The following NPAS3 variants were observed in gnomAD, a reference collection of about 807,000 sequenced individuals.
NPAS3 encodes the protein neuronal PAS domain-containing protein 3.
Under a neutral mutation model 73.1 loss-of-function variants are expected in NPAS3, and 14 were observed. The observed-to-expected ratio is 0.19, with a 90% CI of 0.13 to 0.30. The LOEUF (loss-of-function observed/expected upper bound fraction) is 0.30, where lower values mean the gene tolerates loss of function less well. Among genes scored for constraint, NPAS3 ranks in the 10% least tolerant of loss-of-function variants. The pLI, the probability that NPAS3 is intolerant of heterozygous loss-of-function variation, is 1.00. For missense variants in NPAS3, 1,096 were observed against 1,250.0 expected (o/e 0.88, Z 1.86); for synonymous variants, 620 against 541.5 (o/e 1.14, Z -2.01).
At chr14:33,762,974 G>A (rs968560285) in intron 7 of NPAS3, among the ~76,000 whole-genome samples, 2 of 152,200 alleles carry the variant, frequency 1.3e-5, no homozygotes, top group Non-Finnish European at 2.9e-5. Flanking sequence ...AAGGGGATAT[G>A]TTCTCTGAAA....
intron 1 of NPAS3, among the ~76,000 whole-genome samples, chr14:32,995,683 C>T (rs1821588852): frequency 1.3e-5 from 2 of 152,192 alleles, no homozygotes; most frequent in South Asian, 4.1e-4. Flanking sequence ...TACAGGCTTT[C>T]TCTTTTCCTG....
chr14:33,195,495 C>T (rs1012433300), intron 2 of NPAS3, among the ~76,000 whole-genome samples: 2 of 152,148 alleles, frequency 1.3e-5, no homozygotes, highest in African/African-American at 4.8e-5. Flanking sequence ...TCTTGAACTC[C>T]TGACCTTGTG....
At chr14:33,069,830 AACCTGTC>A (rs764311302) in intron 2 of NPAS3, among the ~76,000 whole-genome samples, 130 of 152,354 alleles carry the variant, frequency 8.5e-4, no homozygotes, top group Non-Finnish European at 1.6e-3. Context: ...CCATGTTCAA[AACCTGTC>A]AAGTTACCTG....
chr14:33,668,857 T>A (rs1445454653), intron 5 of NPAS3, among the ~76,000 whole-genome samples: 2 of 152,124 alleles, frequency 1.3e-5, no homozygotes, highest in African/African-American at 2.4e-5. Flanking sequence ...CAGGGAAATA[T>A]TTAAATTTCA....
At chr14:32,959,420 A>G (rs1488120868) in intron 1 of NPAS3, among the ~76,000 whole-genome samples, 2 of 152,262 alleles carry the variant, frequency 1.3e-5, no homozygotes, top group East Asian at 3.8e-4. Flanking sequence ...AAACCTAAGT[A>G]ATGACCTTGA....
chr14:33,435,907 T>A (rs1321517527), intron 4 of NPAS3, among the ~76,000 whole-genome samples: 1 of 152,210 alleles, frequency 6.6e-6, no homozygotes, highest in East Asian at 1.9e-4. Context: ...CTTGATTTTA[T>A]ACAGAGCAGT....
At chr14:33,602,084 G>C (rs1007805697) in intron 5 of NPAS3, among the ~76,000 whole-genome samples, 1 of 152,204 alleles carries the variant, frequency 6.6e-6, no homozygotes, top group East Asian at 1.9e-4. Flanking sequence ...AGAACCGAGA[G>C]TGTGGGGAGA....
At position 33,548,386 on chromosome 14, in the gene NPAS3, A is replaced by ATT. The variant is rs368642954; in HGVS notation, c.469-11734_469-11733dup. 6.2e-3 allele frequency among the ~76,000 whole-genome samples: 941 copies of ATT among 152,316 alleles called. 9 individuals carry two copies. Among genetic ancestry groups the ATT allele is most frequent in the Non-Finnish European group, 8.4e-3 (569 of 68,030 alleles). On this transcript the variant is annotated intron_variant, in intron 4 of 11. Coordinates refer to ENST00000356141, the Ensembl canonical transcript of NPAS3. ...AAGACAAAAGAGTGGGTAAATAATC[A>ATT]TTGTGCACATTAGAATTATACTGAG...
chr14:32,978,745 A>T (rs1406929549), intron 1 of NPAS3, among the ~76,000 whole-genome samples: 1 of 152,226 alleles, frequency 6.6e-6, no homozygotes, highest in African/African-American at 2.4e-5. Flanking sequence ...AATGGAAATG[A>T]TCATTGCTTT....
At chr14:33,024,358 G>T (rs1012219823) in intron 1 of NPAS3, among the ~76,000 whole-genome samples, 1 of 152,020 alleles carries the variant, frequency 6.6e-6, no homozygotes, top group East Asian at 1.9e-4. Context: ...TTTTAGTAGA[G>T]AAGGGGTTTT....
intron 3 of NPAS3, among the ~76,000 whole-genome samples, chr14:33,218,965 A>G (rs1232772153): frequency 6.6e-6 from 1 of 152,208 alleles, no homozygotes; most frequent in Non-Finnish European, 1.5e-5. Context: ...TCCCAAGTCA[A>G]TTACTTCATG....
chr14:32,988,553 T>C (rs1030107777), intron 1 of NPAS3, among the ~76,000 whole-genome samples: 5 of 152,314 alleles, frequency 3.3e-5, no homozygotes, highest in African/African-American at 4.8e-5. Context: ...TCTGTTGTTA[T>C]ATGAGAGAAA....
At position 33,093,497 on chromosome 14, in the gene NPAS3, G is replaced by A. The variant is rs569800431; in HGVS notation, c.140+37503G>A. 4.7e-4 allele frequency among the ~76,000 whole-genome samples: 71 copies of A among 152,210 alleles called. 1 individual carries two copies. The highest frequency in any genetic ancestry group is 1.6e-3 in the African/African-American group (68 of 41,544). On this transcript the variant is annotated intron_variant, in intron 2 of 11. Transcript: ENST00000356141. ...GGTGCTGGAGACGATGTGGAGAAAC[G>A]GGAACACTTTTACATTGTTGGTGGG...
At chr14:33,615,173 G>A (rs113021668) in intron 5 of NPAS3, among the ~76,000 whole-genome samples, 3 of 152,248 alleles carry the variant, frequency 2.0e-5, no homozygotes, top group African/African-American at 7.2e-5. Context: ...TGGGGCAGTA[G>A]GCAGTGTATA....
At chr14:33,360,632 C>T (rs560817188) in intron 3 of NPAS3, among the ~76,000 whole-genome samples, 1 of 152,070 alleles carries the variant, frequency 6.6e-6, no homozygotes, top group East Asian at 1.9e-4. Context: ...AAAGTCCCAC[C>T]CCCCAAAAAA....
At chr14:33,156,100 A>C (rs1037410332) in intron 2 of NPAS3, among the ~76,000 whole-genome samples, 1 of 152,220 alleles carries the variant, frequency 6.6e-6, no homozygotes, top group Non-Finnish European at 1.5e-5. Flanking sequence ...GAACTTTTCA[A>C]AATGAAGGAA....
At chr14:33,544,820 A>ATATATATATT (rs11377851) in intron 4 of NPAS3, among the ~76,000 whole-genome samples, 1 of 98,550 alleles carries the variant, frequency 1.0e-5, no homozygotes, top group African/African-American at 5.4e-5. Context: ...ATGTATATAT[A>ATATATATATT]ATATATATGT....
At chr14:33,095,662 A>T (rs12432638) in intron 2 of NPAS3, among the ~76,000 whole-genome samples, 40,018 of 72,594 alleles carry the variant, frequency 0.55, 10,028 homozygotes, top group African/African-American at 0.62. Context: ...CTCTGCTTTT[A>T]TTTTTTTATT....
intron 1 of NPAS3, among the ~76,000 whole-genome samples, chr14:32,989,266 A>AG (rs1176696592): frequency 6.6e-6 from 1 of 152,226 alleles, no homozygotes; most frequent in Non-Finnish European, 1.5e-5. Flanking sequence ...GAAATACCAT[A>AG]GGGAAATCTA....
Sources: allele counts gnomAD v4.1 joint callset (sites outside exome capture counted in the v4.1 genomes callset), GRCh38; gene constraint gnomAD v4.1.1; transcripts MANE v1.5; gene names NCBI Gene and HGNC (gene_info 2026-07-23, HGNC 2026-07-21).